SLC25A26: variants seen among roughly 807,000 people sequenced by gnomAD.
SLC25A26 encodes solute carrier family 25 member 26.
Under a neutral mutation model 37.8 loss-of-function variants are expected in SLC25A26, and 36 were observed. The ratio of observed to expected loss-of-function variants is 0.95; its 90% CI spans 0.73 to 1.26. The LOEUF is 1.26. Among genes scored for constraint, SLC25A26 ranks in the 50% most tolerant of loss-of-function variants. The pLI is 0.00. For missense variants in SLC25A26, 390 were observed against 331.1 expected (o/e 1.18, Z -1.38); for synonymous variants, 129 against 122.5 (o/e 1.05, Z -0.35).
intron 3 of SLC25A26, among the ~76,000 whole-genome samples, chr3:66,254,459 C>T (rs1247529126): frequency 6.6e-6 from 1 of 152,232 alleles, no homozygotes; most frequent in Non-Finnish European, 1.5e-5. Flanking sequence ...TTTGAGTTTG[C>T]TCTGGAAAGT....
intron 1 of SLC25A26, among the ~76,000 whole-genome samples, chr3:66,143,050 G>T (rs1226049347): frequency 1.3e-5 from 2 of 152,084 alleles, no homozygotes; most frequent in East Asian, 3.9e-4. Flanking sequence ...TAAGATGTGA[G>T]CCACTGTGCC....
intron 3 of SLC25A26, among the ~76,000 whole-genome samples, chr3:66,244,429 G>A (rs1468886848): frequency 6.6e-6 from 1 of 152,136 alleles, no homozygotes; most frequent in African/African-American, 2.4e-5. Context: ...ACTTACTAAG[G>A]CCATAGAAGA....
At position 66,144,115 on chromosome 3, in the gene SLC25A26, A is replaced by G. The variant is rs79031729; in HGVS notation, c.-354+10131A>G. On this transcript the variant is annotated intron_variant, in intron 1 of 10. Coordinates refer to the SLC25A26 transcript ENST00000676754. The stretch of plus-strand genomic sequence containing the variant: ...GTGAGCTACTTTCAATAGTTAGGAA[A>G]GGCCTCTATGAGAAGCTCATATTCA... Among the ~76,000 whole-genome samples the G allele has an allele frequency of 6.1e-4, 93 of 152,272 alleles. 1 individual carries two copies. Among genetic ancestry groups the G allele is most frequent in the Non-Finnish European group, 1.1e-3 (74 of 68,026 alleles).
rs1476842450 is a variant in SLC25A26, at chr3:66,263,398, A to C, written c.453+19A>C. 1 of 1,541,600 alleles carries C rather than the reference A, an allele frequency of 6.5e-7. No individual in the cohort carries two copies. Among genetic ancestry groups the C allele is most frequent in the Non-Finnish European group, 9.0e-7 (1 of 1,116,496 alleles). On this transcript the variant is annotated intron_variant, in intron 5 of 9. Coordinates refer to ENST00000354883, the MANE Select transcript of SLC25A26 (RefSeq NM_001379210.1). ...AAGAGAGGTAAGTCACTTACTTTCC[A>C]ATATTGAAGTACGAAAGAATGATGT...
chr3:66,291,057 C>T (rs2074688694), intron 5 of SLC25A26, among the ~76,000 whole-genome samples: 1 of 152,228 alleles, frequency 6.6e-6, no homozygotes, highest in Admixed American at 6.5e-5. Context: ...GTGTATGGGT[C>T]CAGGAATTTA....
At chr3:66,168,859 C>T (rs980397665) in intron 1 of SLC25A26, among the ~76,000 whole-genome samples, 9 of 152,172 alleles carry the variant, frequency 5.9e-5, no homozygotes, top group Non-Finnish European at 1.0e-4. Flanking sequence ...TGGTGGCTCA[C>T]GCCTGTAATC....
At chr3:66,211,179 T>C (rs1389661031) in intron 1 of SLC25A26, among the ~76,000 whole-genome samples, 1 of 152,304 alleles carries the variant, frequency 6.6e-6, no homozygotes, top group Non-Finnish European at 1.5e-5. Context: ...GGGATTCACC[T>C]GGGGACAGTT....
intron 1 of SLC25A26, among the ~76,000 whole-genome samples, chr3:66,135,326 A>G (rs1374306261): frequency 1.3e-5 from 2 of 152,254 alleles, no homozygotes; most frequent in African/African-American, 2.4e-5. Context: ...AGTAAAATAT[A>G]AACATTGTAA....
intron 5 of SLC25A26, among the ~76,000 whole-genome samples, chr3:66,270,567 TAAAC>T (rs1470111114): frequency 3.3e-5 from 5 of 152,186 alleles, no homozygotes; most frequent in African/African-American, 4.8e-5. Flanking sequence ...ATGGAAATAT[TAAAC>T]AAATGAAAAT....
intron 3 of SLC25A26, among the ~76,000 whole-genome samples, chr3:66,253,823 T>G (rs1280171827): frequency 1.3e-5 from 2 of 152,210 alleles, no homozygotes; most frequent in African/African-American, 4.8e-5. Context: ...TATAAATCCA[T>G]CCATGGGATG....
At position 66,222,460 on chromosome 3, in the gene SLC25A26, C is replaced by T. The variant is rs1311702278; in HGVS notation, c.33+1333C>T. 2.6e-5 allele frequency among the ~76,000 whole-genome samples: 4 copies of T among 152,328 alleles called. No individual in the cohort carries two copies. The South Asian group carries it at 6.2e-4, about 24-fold the overall frequency. The stretch of plus-strand genomic sequence containing the variant: ...CCTCCCAAAGTGCTGGGACTACAGG[C>T]GTGAGCCACGGCGCCTGGCCAATGT... On this transcript the variant is annotated intron_variant, in intron 1 of 9. Coordinates refer to ENST00000354883, the MANE Select transcript of SLC25A26 (RefSeq NM_001379210.1).
rs2071102231 is a variant in SLC25A26 at position 66,201,068 on chromosome 3, T to C, written c.-353-19674T>C. Reference sequence around the variant, plus strand: ...AATGGTAAGGGTGGAAGAAAGACAATGGACTGACTGTTCTTTGTCATAATC... The same window carrying C: ...AATGGTAAGGGTGGAAGAAAGACAACGGACTGACTGTTCTTTGTCATAATC... On this transcript the variant is annotated intron_variant, in intron 1 of 10. Coordinates refer to the SLC25A26 transcript ENST00000676754. Among the ~76,000 whole-genome samples the C allele has an allele frequency of 2.0e-5, 3 of 152,222 alleles. No homozygotes were observed. The South Asian group carries it at 6.2e-4, about 32-fold the overall frequency.
Position 66,346,399 on chromosome 3 carries a change from G to A in SLC25A26, c.489G>A (p.Glu163=). 6.8e-7 allele frequency: 1 copy of A among 1,472,626 alleles called. No individual in the cohort carries two copies. The highest frequency in any genetic ancestry group is 2.5e-5 in the East Asian group (1 of 39,562). The allele number at this position is 1,472,626 out of a possible 1,614,324, so 91.2% of individuals were successfully genotyped here. A position where few individuals can be genotyped will look rare whatever the true frequency, so the allele number is the denominator to read the frequency against. The change falls in exon 6 of 10, where the codon GAG becomes GAA. Residue 163 remains glutamate, a synonymous_variant. Coordinates refer to ENST00000354883, the MANE Select transcript of SLC25A26 (RefSeq NM_001379210.1). ...PFSLVQFPLW[E]SLKALWSWRQ... is the part of the protein sequence containing the mutation. ...CTTTGGTCCAGTTTCCCTTATGGGA[G>A]TCCTTAAAAGTAAGTTTCTCAGTCT...
intron 1 of SLC25A26, among the ~76,000 whole-genome samples, chr3:66,136,653 C>G (rs1479761211): frequency 1.3e-5 from 2 of 152,214 alleles, no homozygotes; most frequent in African/African-American, 4.8e-5. Context: ...ATTCTTTCAC[C>G]TAAGCTCTGG....
chr3:66,304,459 G>T (rs1239622347), intron 5 of SLC25A26: 1 of 456,276 alleles, frequency 2.2e-6, no homozygotes, highest in Non-Finnish European at 4.4e-6. Context: ...GCAGGAGGAG[G>T]ATTAGAGTCA....
intron 1 of SLC25A26, among the ~76,000 whole-genome samples, chr3:66,176,362 A>G (rs2070586946): frequency 1.3e-5 from 2 of 152,248 alleles, no homozygotes; most frequent in South Asian, 4.1e-4. Flanking sequence ...ACGCTCTTGT[A>G]GCCAGAAGGG....
At position 66,316,066 on chromosome 3, in the gene SLC25A26, C is replaced by G. The variant is rs1291958197; in HGVS notation, c.454-30298C>G. Among the ~76,000 whole-genome samples the G allele has an allele frequency of 2.6e-5, 4 of 152,314 alleles. No homozygotes were observed. The East Asian group carries it at 7.7e-4, about 29-fold the overall frequency. ...AGCAATGGATCTTGACTCTTTACTCCAGTTTGCCATTCTGTGCCTTTTAAT... is the reference window on the plus strand; with the variant it reads ...AGCAATGGATCTTGACTCTTTACTCGAGTTTGCCATTCTGTGCCTTTTAAT... On this transcript the variant is annotated intron_variant, in intron 5 of 9. Coordinates refer to ENST00000354883, the MANE Select transcript of SLC25A26 (RefSeq NM_001379210.1).
In SLC25A26 at chr3:66,139,320, A is replaced by G. The variant is rs567285342; in HGVS notation, c.-354+5336A>G. On this transcript the variant is annotated intron_variant, in intron 1 of 10. Coordinates refer to the SLC25A26 transcript ENST00000676754. ...GCCTCTTATTTCTCCATTTTTGCTT[A>G]ATTCAAAGTTGTTAAAAGCTTTTCA... 8.1e-4 allele frequency among the ~76,000 whole-genome samples: 123 copies of G among 152,302 alleles called. 2 individuals carry two copies. Among genetic ancestry groups the G allele is most frequent in the African/African-American group, 2.9e-3 (121 of 41,570 alleles).
At chr3:66,220,872 C>A (rs36139379), upstream of SLC25A26, 6,375 of 588,940 alleles carry the variant, frequency 0.011, 143 homozygotes, top group Non-Finnish European at 8.3e-3. Context: ...AGGGATTTGC[C>A]GAGACTTAGC....
Sources: allele counts gnomAD v4.1 joint callset (sites outside exome capture counted in the v4.1 genomes callset), GRCh38; gene constraint gnomAD v4.1.1; transcripts MANE v1.5; gene names NCBI Gene and HGNC (gene_info 2026-07-23, HGNC 2026-07-21).